AQR: variants seen among roughly 807,000 people sequenced by gnomAD.
AQR encodes aquarius intron-binding spliceosomal factor.
Under a neutral mutation model 180.5 loss-of-function variants are expected in AQR, and 61 were observed. The observed-to-expected ratio is 0.34, with a 90% CI of 0.28 to 0.42. AQR has a LOEUF of 0.42. Ranked by LOEUF, AQR falls within the 10% of genes least tolerant of loss-of-function variation. The pLI is 1.00. For missense variants in AQR, 1,281 were observed against 1,798.3 expected (o/e 0.71, Z 5.20); for synonymous variants, 551 against 588.8 (o/e 0.94, Z 0.93).
intron 4 of AQR, among the ~76,000 whole-genome samples, chr15:34,951,293 A>G (rs887642328): frequency 6.6e-6 from 1 of 152,218 alleles, no homozygotes; most frequent in African/African-American, 2.4e-5. Context: ...TTATGTTTGG[A>G]AGTTGGCCCA....
chr15:34,899,770 T>G (rs1893302666), intron 20 of AQR, among the ~76,000 whole-genome samples: 1 of 152,124 alleles, frequency 6.6e-6, no homozygotes, highest in African/African-American at 2.4e-5. Flanking sequence ...GTATACTCAG[T>G]GCCTTACCAC....
chr15:34,893,604 C>T (rs1893183485), intron 23 of AQR, 59 bp downstream of exon 23: 21 of 1,390,630 alleles, frequency 1.5e-5, no homozygotes, highest in South Asian at 1.1e-4. Flanking sequence ...CATGCGCATG[C>T]GTGCACACAC....
At chr15:34,927,542 A>T (rs1314840437) in intron 12 of AQR, among the ~76,000 whole-genome samples, 1 of 152,204 alleles carries the variant, frequency 6.6e-6, no homozygotes, top group Non-Finnish European at 1.5e-5. Context: ...AGACCAAAAA[A>T]CTTATGCTTG....
At position 34,948,254 on chromosome 15, in the gene AQR, A is replaced by G; in HGVS notation, c.330+10T>C. ...AGTATGAAAGCTATGAAGTACTTTA[A>G]ATCAGTTACCTCCCATGCAGGCACG... On this transcript the variant is annotated intron_variant, in intron 5 of 34. Coordinates refer to ENST00000156471, the MANE Select transcript of AQR (RefSeq NM_014691.3). 6.2e-7 allele frequency: 1 copy of G among 1,613,180 alleles called. No homozygotes were observed. Among genetic ancestry groups the G allele is most frequent in the Non-Finnish European group, 8.5e-7 (1 of 1,179,736 alleles).
At chr15:34,870,417 C>T (rs1266165169) in intron 31 of AQR, among the ~76,000 whole-genome samples, 3 of 152,084 alleles carry the variant, frequency 2.0e-5, no homozygotes, top group Admixed American at 6.6e-5. Context: ...TCCCCCTATA[C>T]ACAATAAAAA....
At chr15:34,878,278 C>A (rs1006404745) in intron 27 of AQR, among the ~76,000 whole-genome samples, 14 of 147,940 alleles carry the variant, frequency 9.5e-5, no homozygotes, top group Admixed American at 4.8e-4. Flanking sequence ...CCCAGCTACT[C>A]GGGAGGCTGA....
chr15:34,929,025 A>G (rs1893808633), intron 12 of AQR, among the ~76,000 whole-genome samples: 1 of 152,140 alleles, frequency 6.6e-6, no homozygotes, highest in African/African-American at 2.4e-5. Flanking sequence ...TCCGTTGCCC[A>G]CTTTTTGATG....
chr15:34,888,156 G>A (rs1893090286), intron 24 of AQR, among the ~76,000 whole-genome samples: 2 of 151,772 alleles, frequency 1.3e-5, no homozygotes, highest in Non-Finnish European at 2.9e-5. Context: ...ACATTAGCCA[G>A]GTGTGGTGGT....
Position 34,888,869 on chromosome 15 carries a change from AAT to A in AQR, c.2681+1344_2681+1345del, listed in dbSNP as rs1893099943. Among the ~76,000 whole-genome samples the A allele has an allele frequency of 1.3e-5, 2 of 152,354 alleles. 1 individual carries two copies. The highest frequency in any genetic ancestry group is 4.1e-4 in the South Asian group (2 of 4,826). Reference sequence around the variant, plus strand: ...AGTGATGCTACTTTTATTGTGAAACAATAGTCATAATTTTTCTTTTTAATTGT... The same window carrying A: ...AGTGATGCTACTTTTATTGTGAAACAAGTCATAATTTTTCTTTTTAATTGT... On this transcript the variant is annotated intron_variant, in intron 24 of 34. Coordinates refer to ENST00000156471, the MANE Select transcript of AQR (RefSeq NM_014691.3).
At chr15:34,879,027 C>CAAA (rs746355296) in intron 27 of AQR, among the ~76,000 whole-genome samples, 3 of 126,632 alleles carry the variant, frequency 2.4e-5, no homozygotes, top group Non-Finnish European at 5.1e-5. Flanking sequence ...GGCTCTGTCT[C>CAAA]AAAAAAAAAA....
chr15:34,940,003 C>T (rs980355568), intron 8 of AQR, among the ~76,000 whole-genome samples: 1 of 152,128 alleles, frequency 6.6e-6, no homozygotes, highest in African/African-American at 2.4e-5. Context: ...ATTACATAAA[C>T]AGCTGGTGTT....
rs35327798 is a variant in AQR, at chr15:34,854,155, G to GAAAA, written c.*2633_*2636dup. 5 of 130,784 alleles carry GAAAA rather than the reference G, an allele frequency of 3.8e-5. No individual in the cohort carries two copies. Among genetic ancestry groups the GAAAA allele is most frequent in the African/African-American group, 1.2e-4 (4 of 34,552 alleles). 8.1% of individuals were successfully genotyped at this position (130,784 alleles called of 1,614,324 possible). ...ATGAACTTTCTTAACTCAGAATTTT[G>GAAAA]AAAAAAAAAAAAAAAAAAGAAGAAG... On this transcript the variant is annotated 3_prime_UTR_variant, in exon 35 of 35. Coordinates refer to ENST00000156471, the MANE Select transcript of AQR (RefSeq NM_014691.3).
In AQR at chr15:34,934,641, C is replaced by T; in HGVS notation, c.719-6G>A. ...TTTGTCCATAGTGACAGGTTCTAGA[C>T]ATAAGAGAGAACGCATGATAGAATT... On this transcript the variant is annotated splice_region_variant and splice_polypyrimidine_tract_variant and intron_variant, in intron 9 of 34. Coordinates refer to ENST00000156471, the MANE Select transcript of AQR (RefSeq NM_014691.3). 6.4e-7 allele frequency: 1 copy of T among 1,558,286 alleles called. No homozygotes were observed. Among genetic ancestry groups the T allele is most frequent in the Non-Finnish European group, 8.6e-7 (1 of 1,157,054 alleles).
intron 12 of AQR, among the ~76,000 whole-genome samples, chr15:34,928,206 A>G (rs1210018157): frequency 1.3e-5 from 2 of 150,832 alleles, no homozygotes; most frequent in Non-Finnish European, 3.0e-5. Context: ...TTTTTTTTTC[A>G]CTTTTTACAC....
intron 20 of AQR, among the ~76,000 whole-genome samples, chr15:34,898,608 A>G (rs1016678146): frequency 2.4e-4 from 37 of 152,310 alleles, no homozygotes; most frequent in African/African-American, 8.7e-4. Flanking sequence ...ATCCTCGGCC[A>G]GGCGCGTTGG....
intron 15 of AQR, among the ~76,000 whole-genome samples, chr15:34,915,561 A>T (rs890631769): frequency 3.9e-5 from 6 of 152,126 alleles, no homozygotes; most frequent in African/African-American, 1.4e-4. Flanking sequence ...TAAGAATCTA[A>T]TGAATGCCTG....
chr15:34,960,186 T>C (rs1470789662), intron 3 of AQR, among the ~76,000 whole-genome samples: 2 of 152,186 alleles, frequency 1.3e-5, no homozygotes, highest in Non-Finnish European at 2.9e-5. Flanking sequence ...CGCTGTTAAA[T>C]TTTTTAAAAG....
Position 34,945,775 on chromosome 15 carries a change from A to G in AQR, c.331-1347T>C, listed in dbSNP as rs180830932. 2.0e-5 allele frequency among the ~76,000 whole-genome samples: 3 copies of G among 152,326 alleles called. No homozygotes were observed. The East Asian group carries it at 5.8e-4, about 29-fold the overall frequency. ...TTTGGTGACCATTTACTCAAAACAG[A>G]TGACAGGCATCCATTCCTTTTTTTC... On this transcript the variant is annotated intron_variant, in intron 5 of 34. Coordinates refer to ENST00000156471, the MANE Select transcript of AQR (RefSeq NM_014691.3).
At position 34,910,721 on chromosome 15, in the gene AQR, G is replaced by A. The variant is rs117897922; in HGVS notation, c.1485-408C>T. On this transcript the variant is annotated intron_variant, in intron 16 of 34. Transcript: ENST00000156471. Reference sequence around the variant, plus strand: ...ACTTGACAAATAAAAATTGTATATAGTTAAGGAATACAATGTGATGTTTTA... The same window carrying A: ...ACTTGACAAATAAAAATTGTATATAATTAAGGAATACAATGTGATGTTTTA... Among the ~76,000 whole-genome samples, 300 of 152,256 alleles carry A rather than the reference G, an allele frequency of 2.0e-3. 1 individual carries two copies. Among genetic ancestry groups the A allele is most frequent in the Non-Finnish European group, 3.0e-3 (201 of 68,012 alleles).
Sources: allele counts gnomAD v4.1 joint callset (sites outside exome capture counted in the v4.1 genomes callset), GRCh38; gene constraint gnomAD v4.1.1; transcripts MANE v1.5; gene names NCBI Gene and HGNC (gene_info 2026-07-23, HGNC 2026-07-21).